Variants in CNIH3 observed in about 807,000 individuals in gnomAD.
CNIH3 encodes protein cornichon homolog 3.
A neutral mutation model predicts 24.1 loss-of-function variants in CNIH3; 14 were observed. The ratio of observed to expected loss-of-function variants is 0.58; its 90% CI spans 0.38 to 0.91. The LOEUF (loss-of-function observed/expected upper bound fraction) is 0.91, where lower values mean the gene tolerates loss of function less well. Among genes scored for constraint, CNIH3 ranks in the 40% least tolerant of loss-of-function variants. CNIH3 has a pLI of 0.00. For missense variants in CNIH3, 178 were observed against 196.8 expected, an observed-to-expected ratio of 0.90 and a Z score of 0.57; for synonymous variants, 68 against 73.8, an observed-to-expected ratio of 0.92 and a Z score of 0.40.
chr1:224,513,511 C>T (rs557914713), upstream of CNIH3, among the ~76,000 whole-genome samples: 40 of 152,052 alleles, frequency 2.6e-4, no homozygotes, highest in Non-Finnish European at 4.3e-4. Flanking sequence ...ATTGCAATGC[C>T]CGAGCCCCAC....
chr1:224,537,368 G>C (rs942961512), downstream of CNIH3: 15 of 152,214 alleles, frequency 9.9e-5, no homozygotes, highest in African/African-American at 3.6e-4. Flanking sequence ...GAGGCTAAGT[G>C]ATCATTCCTC....
chr1:224,575,415 A>G, intron 4 of CNIH3: 1 of 1,027,774 alleles, frequency 9.7e-7, no homozygotes, highest in South Asian at 1.3e-5. Context: ...CTTGTCCCCA[A>G]GTGACCTATA....
At chr1:224,580,120 C>G (rs1156709129) in intron 4 of CNIH3, among the ~76,000 whole-genome samples, 1 of 152,138 alleles carries the variant, frequency 6.6e-6, no homozygotes, top group East Asian at 1.9e-4. Flanking sequence ...GAGTAAACAT[C>G]TAGTCTTCAG....
intron 1 of CNIH3, among the ~76,000 whole-genome samples, chr1:224,459,867 G>A (rs55730749): frequency 0.19 from 27,613 of 144,918 alleles, 2,792 homozygotes; most frequent in Middle Eastern, 0.24. Context: ...GGTTGTTAGA[G>A]TCATGGAACC....
chr1:224,579,121 T>C (rs770333730), intron 4 of CNIH3, among the ~76,000 whole-genome samples: 2 of 151,716 alleles, frequency 1.3e-5, no homozygotes, highest in Non-Finnish European at 2.9e-5. Flanking sequence ...TATTTCTGAG[T>C]GATTTCTTCC....
In CNIH3 at chr1:224,719,883, A is replaced by C. The variant is rs975115277; in HGVS notation, c.199-10579A>C. On this transcript the variant is annotated intron_variant, in intron 3 of 5. Coordinates refer to ENST00000272133, the MANE Select transcript of CNIH3 (RefSeq NM_152495.2). The stretch of plus-strand genomic sequence containing the variant: ...TAATTTGCTAAATCAGAGTTGTGGT[A>C]AAGCTTGGCACAGTCCAGCTAATAG... Among the ~76,000 whole-genome samples the C allele has an allele frequency of 1.3e-5, 2 of 152,262 alleles. 1 individual carries two copies. Among genetic ancestry groups the C allele is most frequent in the East Asian group, 3.8e-4 (2 of 5,200 alleles).
intron 1 of CNIH3, among the ~76,000 whole-genome samples, chr1:224,634,093 CCCA>C (rs1683962385): frequency 6.6e-6 from 1 of 152,190 alleles, no homozygotes; most frequent in African/African-American, 2.4e-5. Flanking sequence ...GGGATGACTA[CCCA>C]CCGCCCCTTA....
intron 3 of CNIH3, among the ~76,000 whole-genome samples, chr1:224,596,940 G>A (rs1265133886): frequency 6.6e-6 from 1 of 152,108 alleles, no homozygotes; most frequent in African/African-American, 2.4e-5. Context: ...AACACCTGAG[G>A]TCAGGAGGTC....
At chr1:224,689,988 C>T (rs547313678) in intron 3 of CNIH3, among the ~76,000 whole-genome samples, 7 of 152,092 alleles carry the variant, frequency 4.6e-5, no homozygotes, top group African/African-American at 1.2e-4. Context: ...GTGTGACTGC[C>T]GCTTTTGGGC....
chr1:224,482,382 A>T (rs915073697), intron 1 of CNIH3, among the ~76,000 whole-genome samples: 3 of 152,040 alleles, frequency 2.0e-5, no homozygotes, highest in African/African-American at 7.2e-5. Flanking sequence ...GTCTAACCCA[A>T]GGCCCTCAGT....
At chr1:224,494,997 G>A (rs1677376688) in intron 1 of CNIH3, among the ~76,000 whole-genome samples, 1 of 152,176 alleles carries the variant, frequency 6.6e-6, no homozygotes, top group African/African-American at 2.4e-5. Context: ...TGAATCTGGA[G>A]TACAGGACAA....
chr1:224,724,440 C>G (rs1688909616), intron 3 of CNIH3, among the ~76,000 whole-genome samples: 1 of 152,196 alleles, frequency 6.6e-6, no homozygotes, highest in Non-Finnish European at 1.5e-5. Context: ...AATGTAGTTT[C>G]CTGACATTGC....
intron 1 of CNIH3, among the ~76,000 whole-genome samples, chr1:224,460,135 A>G (rs1675847956): frequency 6.6e-6 from 1 of 151,932 alleles, no homozygotes; most frequent in Non-Finnish European, 1.5e-5. Flanking sequence ...CAAGTGATCC[A>G]CCCACGTCGG....
intron 3 of CNIH3, among the ~76,000 whole-genome samples, chr1:224,593,921 G>A (rs767332501): frequency 1.5e-4 from 23 of 152,136 alleles, no homozygotes; most frequent in Non-Finnish European, 1.2e-4. Context: ...TGTGCCTGCC[G>A]AGTAAGAAGT....
At chr1:224,579,219 C>T (rs1451025454) in intron 4 of CNIH3, among the ~76,000 whole-genome samples, 1 of 151,914 alleles carries the variant, frequency 6.6e-6, no homozygotes, top group Admixed American at 6.6e-5. Flanking sequence ...TTTGTCTTTT[C>T]ATAAGCTCTG....
At chr1:224,541,698 T>C (rs1679517884), downstream of CNIH3, among the ~76,000 whole-genome samples, 1 of 152,210 alleles carries the variant, frequency 6.6e-6, no homozygotes, top group South Asian at 2.1e-4. Flanking sequence ...GAGCTCTGTA[T>C]GCAACTGGCT....
rs1344467110 is a variant in CNIH3, at chr1:224,458,625, C to G, written n.203+23763C>G. Among the ~76,000 whole-genome samples the G allele has an allele frequency of 6.6e-6, 1 of 152,210 alleles. No homozygotes were observed. The highest frequency in any genetic ancestry group is 6.5e-5 in the Admixed American group (1 of 15,272). The stretch of plus-strand genomic sequence containing the variant: ...CCTCCTACCACTTTCCTACTACTCC[C>G]CCTAATGATAACATACTGAACTCAC... On this transcript the variant is annotated intron_variant and non_coding_transcript_variant, in intron 1 of 5. Coordinates refer to the CNIH3 transcript ENST00000471578. The surrounding 1 kb of genome is among the most constrained non-coding windows in gnomAD (Gnocchi z 4.3).
At chr1:224,453,607 A>T (rs930943444) in intron 1 of CNIH3, among the ~76,000 whole-genome samples, 1 of 149,486 alleles carries the variant, frequency 6.7e-6, no homozygotes, top group Non-Finnish European at 1.5e-5. Context: ...AGGTTGTTGC[A>T]TGCCTTTGAC....
chr1:224,497,395 T>C (rs1387776671), intron 1 of CNIH3, among the ~76,000 whole-genome samples: 1 of 152,236 alleles, frequency 6.6e-6, no homozygotes, highest in Admixed American at 6.5e-5. Context: ...TGATAGATTT[T>C]ATGTTATGTG....
Sources: allele counts gnomAD v4.1 joint callset (sites outside exome capture counted in the v4.1 genomes callset), GRCh38; gene constraint gnomAD v4.1.1; non-coding constraint Gnocchi (gnomAD v3.1); transcripts MANE v1.5; gene names NCBI Gene and HGNC (gene_info 2026-07-23, HGNC 2026-07-21).